GPATCH2: variants seen among roughly 807,000 people sequenced by gnomAD.
GPATCH2 encodes G-patch domain containing 2.
A neutral mutation model predicts 58.0 loss-of-function variants in GPATCH2; 51 were observed. That is an observed-to-expected ratio of 0.88 (90% CI 0.70 to 1.11). The LOEUF (loss-of-function observed/expected upper bound fraction) is 1.11, where lower values mean the gene tolerates loss of function less well. Among genes scored for constraint, GPATCH2 ranks in the 50% most tolerant of loss-of-function variants. GPATCH2 has a pLI of 0.00. For synonymous variants in GPATCH2, 222 were observed against 218.5 expected (o/e 1.02, Z -0.14); for missense variants, 625 against 652.2 (o/e 0.96, Z 0.45).
At chr1:217,527,823 G>A (rs1663993670) in intron 5 of GPATCH2, among the ~76,000 whole-genome samples, 1 of 152,174 alleles carries the variant, frequency 6.6e-6, no homozygotes, top group South Asian at 2.1e-4. Flanking sequence ...CCAGCACTCA[G>A]GTGCTACATG....
intron 5 of GPATCH2, among the ~76,000 whole-genome samples, chr1:217,554,654 T>G (rs979058669): frequency 3.3e-5 from 5 of 152,340 alleles, no homozygotes; most frequent in African/African-American, 1.2e-4. Context: ...GAAGTCAAAC[T>G]AGTCTAACTG....
In GPATCH2 at chr1:217,429,196, A is replaced by C. The variant is rs1216774281; in HGVS notation, c.*1949T>G. 1 of 152,224 alleles carries C rather than the reference A, an allele frequency of 6.6e-6. No individual in the cohort carries two copies. The highest frequency in any genetic ancestry group is 1.5e-5 in the Non-Finnish European group (1 of 68,038). 9.4% of individuals were successfully genotyped at this position (152,224 alleles called of 1,614,324 possible). A position where few individuals can be genotyped will look rare whatever the true frequency, so the allele number is the denominator to read the frequency against. ...TTGTATATAATCTCCCCCCGGCTAC[A>C]TAGACAGAATGAGCATTTAGAAAAT... is the stretch of plus-strand genomic sequence containing the variant. On this transcript the variant is annotated 3_prime_UTR_variant, in exon 10 of 10. Coordinates refer to ENST00000366935, the MANE Select transcript of GPATCH2 (RefSeq NM_018040.5).
intron 5 of GPATCH2, among the ~76,000 whole-genome samples, chr1:217,578,923 TC>T (rs1237875861): frequency 6.6e-6 from 1 of 152,202 alleles, no homozygotes. Flanking sequence ...CTCTAGTACA[TC>T]CCAAAGACTT....
At chr1:217,602,108 C>T (rs889038954) in intron 5 of GPATCH2, among the ~76,000 whole-genome samples, 1 of 152,154 alleles carries the variant, frequency 6.6e-6, no homozygotes. Context: ...CTAATGTACT[C>T]TCTATACTGC....
chr1:217,619,710 A>G (rs1419234320), intron 2 of GPATCH2, 73 bp downstream of exon 2: 1 of 529,422 alleles, frequency 1.9e-6, no homozygotes, highest in African/African-American at 2.0e-5. Context: ...AAATAGAATT[A>G]ATTAAAATAT....
intron 6 of GPATCH2, among the ~76,000 whole-genome samples, chr1:217,499,860 TGA>T (rs1453233675): frequency 3.9e-5 from 6 of 152,118 alleles, no homozygotes; most frequent in Non-Finnish European, 5.9e-5. Context: ...TAAGCTCTGT[TGA>T]GAGACACCAC....
chr1:217,626,236 A>T (rs1466870609), intron 1 of GPATCH2, among the ~76,000 whole-genome samples: 17 of 152,224 alleles, frequency 1.1e-4, no homozygotes, highest in Admixed American at 1.1e-3. Flanking sequence ...ATAATCATTA[A>T]TGTATTAGTT....
chr1:217,524,799 G>C (rs1019513106), intron 5 of GPATCH2, among the ~76,000 whole-genome samples: 2 of 137,140 alleles, frequency 1.5e-5, no homozygotes, highest in Non-Finnish European at 3.2e-5. Flanking sequence ...GCAGTGAGCC[G>C]AGATGGCAGC....
intron 8 of GPATCH2, among the ~76,000 whole-genome samples, chr1:217,472,973 C>T (rs1363413408): frequency 6.6e-6 from 1 of 152,132 alleles, no homozygotes. Flanking sequence ...AGGTATATAA[C>T]CCAGGGCATG....
chr1:217,437,282 G>A (rs1362480519), intron 9 of GPATCH2, among the ~76,000 whole-genome samples: 1 of 152,160 alleles, frequency 6.6e-6, no homozygotes, highest in Non-Finnish European at 1.5e-5. Context: ...AGGGCCCTGG[G>A]TTTCAAGCAC....
chr1:217,455,383 T>G (rs1389103095), intron 8 of GPATCH2, among the ~76,000 whole-genome samples: 1 of 152,162 alleles, frequency 6.6e-6, no homozygotes, highest in Non-Finnish European at 1.5e-5. Flanking sequence ...GTTCACTGCC[T>G]ACCTGTTGGC....
chr1:217,460,413 A>G (rs1027979281), intron 8 of GPATCH2, among the ~76,000 whole-genome samples: 3 of 152,250 alleles, frequency 2.0e-5, no homozygotes, highest in Admixed American at 6.5e-5. Flanking sequence ...TAAAAAAGAT[A>G]CGATGTTCAT....
chr1:217,604,520 T>C lies in GPATCH2; in HGVS notation c.1098+5801A>G, dbSNP rs1052601791. ...CTCCAAAGTATCCCAAAATGTCTTATGGATACAAACATGTATCAGTTCACA... is the reference window on the plus strand; with the variant it reads ...CTCCAAAGTATCCCAAAATGTCTTACGGATACAAACATGTATCAGTTCACA... On this transcript the variant is annotated intron_variant, in intron 5 of 9. Coordinates refer to ENST00000366935, the MANE Select transcript of GPATCH2 (RefSeq NM_018040.5). Among the ~76,000 whole-genome samples, 4 of 152,186 alleles carry C rather than the reference T, an allele frequency of 2.6e-5. 1 individual carries two copies. Among genetic ancestry groups the C allele is most frequent in the Admixed American group, 2.0e-4 (3 of 15,284 alleles).
At chr1:217,626,327 T>C (rs1389957741) in intron 1 of GPATCH2, among the ~76,000 whole-genome samples, 7 of 152,208 alleles carry the variant, frequency 4.6e-5, no homozygotes, top group Admixed American at 2.0e-4. Context: ...CTGCTGAATG[T>C]TATAAACTAC....
At chr1:217,593,044 A>T (rs1328895155) in intron 5 of GPATCH2, among the ~76,000 whole-genome samples, 2 of 151,882 alleles carry the variant, frequency 1.3e-5, no homozygotes, top group Non-Finnish European at 2.9e-5. Flanking sequence ...AAGTCTTTTA[A>T]CCTCCTTCTG....
intron 5 of GPATCH2, among the ~76,000 whole-genome samples, chr1:217,580,110 T>C (rs1217259709): frequency 6.6e-6 from 1 of 152,234 alleles, no homozygotes; most frequent in Non-Finnish European, 1.5e-5. Flanking sequence ...CTTAGGAATG[T>C]ATTATACAAA....
intron 5 of GPATCH2, among the ~76,000 whole-genome samples, chr1:217,554,921 T>G (rs972112935): frequency 1.3e-5 from 2 of 152,230 alleles, no homozygotes; most frequent in Non-Finnish European, 2.9e-5. Flanking sequence ...TGAGAGCTTT[T>G]GCCTGTACTA....
At chr1:217,524,465 C>T (rs1176704739) in intron 5 of GPATCH2, among the ~76,000 whole-genome samples, 3 of 151,780 alleles carry the variant, frequency 2.0e-5, no homozygotes, top group East Asian at 4.0e-4. Flanking sequence ...GGGTGGCGGC[C>T]GGGCAGAGGC....
intron 6 of GPATCH2, among the ~76,000 whole-genome samples, chr1:217,511,201 C>T: frequency 6.6e-6 from 1 of 152,130 alleles, no homozygotes; most frequent in African/African-American, 2.4e-5. Context: ...TAAATTCAAT[C>T]CCTCCACATC....
Sources: gnomAD v4.1 joint callset for allele counts (sites outside exome capture counted in the v4.1 genomes callset) on GRCh38, gnomAD v4.1.1 for gene constraint, MANE v1.5 for transcripts, NCBI Gene and HGNC (gene_info 2026-07-23, HGNC 2026-07-21) for gene names.